ARHGEF10: variants seen among roughly 807,000 people sequenced by gnomAD.
ARHGEF10 encodes the protein Rho guanine nucleotide exchange factor (GEF) 10.
In ARHGEF10, 140 loss-of-function variants were observed where a neutral mutation model predicts 147.4. The observed-to-expected ratio is 0.95, with a 90% CI of 0.83 to 1.09. The LOEUF is 1.09. ARHGEF10 is among the 50% of genes least tolerant of loss of function. ARHGEF10 has a pLI of 0.00. For missense variants in ARHGEF10, 2,222 were observed against 1,752.7 expected, an observed-to-expected ratio of 1.27 and a Z score of -4.78; for synonymous variants, 902 against 695.8, an observed-to-expected ratio of 1.30 and a Z score of -4.67.
At chr8:1,928,360 G>A in intron 23 of ARHGEF10, 67 bp from the exon 24 acceptor site, 2 of 1,461,966 alleles carry the variant, frequency 1.4e-6, no homozygotes, top group South Asian at 2.3e-5. Context: ...TTAAGGGTCA[G>A]GTTCCAGCGT....
chr8:1,849,502 G>A (rs560971338), intron 2 of ARHGEF10, among the ~76,000 whole-genome samples: 24 of 149,394 alleles, frequency 1.6e-4, no homozygotes, highest in African/African-American at 3.5e-4. Context: ...GGGCAGCCAC[G>A]TGGACACAGG....
At chr8:1,930,521 G>C (rs1282597024) in intron 25 of ARHGEF10, among the ~76,000 whole-genome samples, 1 of 149,566 alleles carries the variant, frequency 6.7e-6, no homozygotes, top group Admixed American at 6.7e-5. Flanking sequence ...ATTGTGTGGT[G>C]AGTCCCCAGT....
At chr8:1,856,381 G>A (rs1337874807) in intron 2 of ARHGEF10, among the ~76,000 whole-genome samples, 1 of 152,314 alleles carries the variant, frequency 6.6e-6, no homozygotes, top group African/African-American at 2.4e-5. Flanking sequence ...AGTGGTAGCT[G>A]GATCCAGTTC....
At chr8:1,901,865 T>G (rs1810490456) in intron 15 of ARHGEF10, among the ~76,000 whole-genome samples, 1 of 152,244 alleles carries the variant, frequency 6.6e-6, no homozygotes, top group African/African-American at 2.4e-5. Flanking sequence ...CATTTAATCA[T>G]TTATGCAATG....
In ARHGEF10 at chr8:1,928,536, T is replaced by A. The variant is rs1563298694; in HGVS notation, c.2807T>A (p.Leu936Gln). The change falls in exon 24 of 29, where the codon CTG (leucine) becomes CAG (glutamine). Residue 936 changes from leucine to glutamine, a missense_variant. Coordinates refer to ENST00000349830, the MANE Select transcript of ARHGEF10 (RefSeq NM_014629.4). ...FNVESRILCM[L>Q]YVPVEEKRRE... ...GTGGAATCTCGCATCCTGTGCATGC[T>A]GTACGTTCCCGTCGAGGAGAAGCGC... The A allele has an allele frequency of 1.2e-6, 2 of 1,614,228 alleles. No individual in the cohort carries two copies.
chr8:1,923,364 AT>A (rs1200289214), intron 19 of ARHGEF10, 103 bp from the exon 20 acceptor site: 1 of 1,522,602 alleles, frequency 6.6e-7, no homozygotes, highest in Non-Finnish European at 9.0e-7. Flanking sequence ...TAATAGTTTC[AT>A]TTGGTCTGAA....
intron 1 of ARHGEF10, among the ~76,000 whole-genome samples, chr8:1,831,244 G>T (rs1460411082): frequency 6.7e-6 from 1 of 149,288 alleles, no homozygotes; most frequent in Non-Finnish European, 1.5e-5. Flanking sequence ...TGTGACATCC[G>T]TGGAGGGACA....
chr8:1,910,211 G>A (rs1811256438), intron 18 of ARHGEF10, among the ~76,000 whole-genome samples: 1 of 152,098 alleles, frequency 6.6e-6, no homozygotes, highest in East Asian at 1.9e-4. Context: ...ACCTTTCATA[G>A]GTTAAATATG....
In ARHGEF10 at chr8:1,855,032, C is replaced by A. The variant is rs906926255; in HGVS notation, c.38-2928C>A. On this transcript the variant is annotated intron_variant, in intron 2 of 28. Coordinates refer to ENST00000349830, the MANE Select transcript of ARHGEF10 (RefSeq NM_014629.4). ...CCTCGGTGTCTCCTCAGGGCTGTTT[C>A]CTGCACACACGGGCTCCTGTTCACG... Among the ~76,000 whole-genome samples the A allele has an allele frequency of 2.0e-5, 3 of 152,082 alleles. No individual in the cohort carries two copies. The South Asian group carries it at 6.2e-4, about 32-fold the overall frequency.
In ARHGEF10 at chr8:1,928,639, G is replaced by T; in HGVS notation, c.2910G>T (p.Thr970=). ...ASDVPTICVG[T]EEGSISIYKS... ...ATGTCCCCACGATCTGTGTAGGGACGGAGGAGGGAAGGTAGGGCATGCTCA... is the reference window on the plus strand; with the variant it reads ...ATGTCCCCACGATCTGTGTAGGGACTGAGGAGGGAAGGTAGGGCATGCTCA... Residue 970 remains threonine (T), a synonymous_variant, in exon 24 of 29, where the codon ACG becomes ACT. Transcript: ENST00000349830. 1 of 1,614,088 alleles carries T rather than the reference G, an allele frequency of 6.2e-7. No individual in the cohort carries two copies. The highest frequency in any genetic ancestry group is 8.5e-7 in the Non-Finnish European group (1 of 1,180,028).
intron 9 of ARHGEF10, among the ~76,000 whole-genome samples, 195 bp from the exon 10 acceptor site, chr8:1,882,440 G>C (rs1347086165): frequency 6.6e-6 from 1 of 152,160 alleles, no homozygotes; most frequent in Non-Finnish European, 1.5e-5. Context: ...TGTCCAGGAA[G>C]GGCTGTATTT....
At chr8:1,869,161 A>C (rs1181441756) in intron 6 of ARHGEF10, 33 bp from the exon 7 acceptor site, 3 of 1,590,066 alleles carry the variant, frequency 1.9e-6, no homozygotes, top group African/African-American at 1.3e-5. Context: ...TTTGTTGGTC[A>C]CTGTTTAAAG....
intron 27 of ARHGEF10, among the ~76,000 whole-genome samples, chr8:1,949,564 A>G (rs960403697): frequency 6.6e-6 from 1 of 152,226 alleles, no homozygotes; most frequent in East Asian, 1.9e-4. Flanking sequence ...TTGATGGGAA[A>G]GTGCTGAGAC....
chr8:1,838,824 G>A (rs1286712466), intron 1 of ARHGEF10, among the ~76,000 whole-genome samples: 1 of 151,946 alleles, frequency 6.6e-6, no homozygotes, highest in African/African-American at 2.4e-5. Context: ...ATGCCGTCCA[G>A]TGTGGTTGCT....
intron 15 of ARHGEF10, among the ~76,000 whole-genome samples, chr8:1,901,560 A>G (rs1384694302): frequency 6.6e-6 from 1 of 152,188 alleles, no homozygotes; most frequent in African/African-American, 2.4e-5. Context: ...ATAAGTAACA[A>G]TTTCTGATAA....
intron 8 of ARHGEF10, 77 bp from the exon 9 acceptor site, chr8:1,879,971 A>G (rs1385520840): frequency 5.9e-6 from 6 of 1,021,552 alleles, no homozygotes; most frequent in South Asian, 3.8e-5. Context: ...CGCTGCCAGC[A>G]TCCTCTCAAT....
chr8:1,882,774 G>A (rs1327220025), intron 10 of ARHGEF10, 25 bp downstream of exon 10: 10 of 1,512,736 alleles, frequency 6.6e-6, no homozygotes, highest in African/African-American at 1.5e-5. Flanking sequence ...GTCTTCTTGC[G>A]GGGAGGACAC....
At chr8:1,947,169 G>A (rs745882055) in intron 27 of ARHGEF10, among the ~76,000 whole-genome samples, 1 of 152,114 alleles carries the variant, frequency 6.6e-6, no homozygotes, top group Non-Finnish European at 1.5e-5. Context: ...GCCAAAGCAC[G>A]CTCTCACGCG....
At chr8:1,943,297 G>C (rs1814258954) in intron 26 of ARHGEF10, among the ~76,000 whole-genome samples, 2 of 152,194 alleles carry the variant, frequency 1.3e-5, no homozygotes, top group Admixed American at 6.5e-5. Flanking sequence ...AGCCAGGAGA[G>C]ACAGGGCCCC....
Sources: allele counts gnomAD v4.1 joint callset (sites outside exome capture counted in the v4.1 genomes callset), GRCh38; gene constraint gnomAD v4.1.1; transcripts MANE v1.5; gene names NCBI Gene and HGNC (gene_info 2026-07-23, HGNC 2026-07-21).